Variants in GSG1L observed in about 807,000 individuals in gnomAD.
The protein encoded by GSG1L is germ cell-specific gene 1-like protein.
Under a neutral mutation model 42.1 loss-of-function variants are expected in GSG1L, and 24 were observed. The ratio of observed to expected loss-of-function variants is 0.57; its 90% CI spans 0.41 to 0.80. The LOEUF is 0.80. Ranked by LOEUF, GSG1L falls within the 30% of genes least tolerant of loss-of-function variation. The probability of loss-of-function intolerance (pLI) is 0.00; values close to 1 mark genes in which losing one functional copy is unlikely to be tolerated. For missense variants in GSG1L, 445 were observed against 472.2 expected (o/e 0.94, Z 0.53); for synonymous variants, 215 against 203.5 (o/e 1.06, Z -0.48).
chr16:28,046,000 AAAATAAAAATT>A (rs2086154334), intron 1 of GSG1L, among the ~76,000 whole-genome samples: 2 of 152,188 alleles, frequency 1.3e-5, no homozygotes, highest in South Asian at 2.1e-4. Flanking sequence ...TTTCTCCAGA[AAAATAAAAATT>A]AAATAAAAAT....
chr16:27,799,687 G>A (rs1191794398), intron 6 of GSG1L, among the ~76,000 whole-genome samples: 1 of 152,090 alleles, frequency 6.6e-6, no homozygotes, highest in African/African-American at 2.4e-5. Context: ...AAGGGGGCGG[G>A]CACCGAGCCA....
intron 2 of GSG1L, among the ~76,000 whole-genome samples, chr16:27,886,266 C>G (rs1234670754): frequency 6.6e-6 from 1 of 152,118 alleles, no homozygotes; most frequent in Admixed American, 6.5e-5. Flanking sequence ...ATGGTAAACA[C>G]CCATCTCTAC....
chr16:27,964,610 T>A (rs2085108900), intron 1 of GSG1L, among the ~76,000 whole-genome samples: 1 of 152,242 alleles, frequency 6.6e-6, no homozygotes, highest in Non-Finnish European at 1.5e-5. Flanking sequence ...TGAGATGCTG[T>A]CATTTGCAAC....
intron 2 of GSG1L, among the ~76,000 whole-genome samples, chr16:27,895,854 A>C (rs561658091): frequency 6.6e-6 from 1 of 152,244 alleles, no homozygotes; most frequent in Non-Finnish European, 1.5e-5. Flanking sequence ...AAGGTAGGGC[A>C]ACAGAGCACG....
Position 28,063,260 on chromosome 16 carries a change from C to T in GSG1L, c.165G>A (p.Ser55=). The T allele has an allele frequency of 7.6e-7, 1 of 1,316,684 alleles. No homozygotes were observed. The highest frequency in any genetic ancestry group is 9.7e-7 in the Non-Finnish European group (1 of 1,028,782). 81.6% of individuals were successfully genotyped at this position (1,316,684 alleles called of 1,614,324 possible). A position where few individuals can be genotyped will look rare whatever the true frequency, so the allele number is the denominator to read the frequency against. Residue 55 remains serine, a synonymous_variant, in exon 1 of 7, where the codon TCG becomes TCA. Transcript: ENST00000447459. This position sits in a 1 kb window ranked among gnomAD's most constrained non-coding sequence, Gnocchi z 5.8. ...GQGGRANCPN[S]GANATANGTA... is the part of the protein sequence containing the mutation. ...TGCCGTTGGCCGTGGCGTTGGCGCC[C>T]GAGTTGGGGCAGTTGGCGCGCCCGC...
intron 1 of GSG1L, among the ~76,000 whole-genome samples, chr16:28,000,843 TA>T (rs1212099037): frequency 2.6e-5 from 4 of 151,998 alleles, no homozygotes; most frequent in East Asian, 1.9e-4. Context: ...AAAATTGTAA[TA>T]AAAAATTTCC....
At chr16:27,931,075 C>A (rs2084652723) in intron 2 of GSG1L, among the ~76,000 whole-genome samples, 1 of 152,116 alleles carries the variant, frequency 6.6e-6, no homozygotes, top group South Asian at 2.1e-4. Context: ...AGCTGCAGAG[C>A]AACTTGAGAA....
chr16:28,017,428 T>C (rs1373862464), intron 1 of GSG1L, among the ~76,000 whole-genome samples: 1 of 152,232 alleles, frequency 6.6e-6, no homozygotes, highest in Non-Finnish European at 1.5e-5. Flanking sequence ...CTAATGAAAG[T>C]AATACGTCTT....
At chr16:28,047,255 A>G (rs1000105655) in intron 1 of GSG1L, among the ~76,000 whole-genome samples, 4 of 152,242 alleles carry the variant, frequency 2.6e-5, no homozygotes, top group African/African-American at 9.6e-5. Context: ...ACCAGGAAAT[A>G]TGCAATATAT....
At chr16:27,979,443 G>T (rs1185865590) in intron 1 of GSG1L, among the ~76,000 whole-genome samples, 12 of 150,914 alleles carry the variant, frequency 8.0e-5, no homozygotes, top group Non-Finnish European at 1.8e-4. Flanking sequence ...GCAAGTGCCT[G>T]TAGTCCCAGC....
chr16:27,960,410 G>T (rs187624571), intron 2 of GSG1L, among the ~76,000 whole-genome samples: 42 of 152,260 alleles, frequency 2.8e-4, no homozygotes, highest in African/African-American at 8.7e-4. Flanking sequence ...ATGAAAGCCA[G>T]TTAGTGCCAG....
intron 3 of GSG1L, among the ~76,000 whole-genome samples, chr16:27,867,482 G>T (rs74015112): frequency 0.017 from 2,534 of 152,308 alleles, 68 homozygotes; most frequent in African/African-American, 0.058. Context: ...ATCAGTGAGC[G>T]CTGCCCCATG....
At chr16:27,907,925 T>C (rs1257550699) in intron 2 of GSG1L, among the ~76,000 whole-genome samples, 1 of 152,210 alleles carries the variant, frequency 6.6e-6, no homozygotes, top group East Asian at 1.9e-4. Context: ...CCCTGTGACC[T>C]TGGCAATTGC....
chr16:28,043,325 G>T (rs1312374076), intron 1 of GSG1L, among the ~76,000 whole-genome samples: 1 of 152,214 alleles, frequency 6.6e-6, no homozygotes, highest in African/African-American at 2.4e-5. Context: ...GTCTAGCAGA[G>T]CTTTGATCAC....
At chr16:27,946,600 AGAGAGAGAGAGAGAGAGAGAGAGAGAGAG>A (rs2084866767) in intron 2 of GSG1L, among the ~76,000 whole-genome samples, 2 of 5,884 alleles carry the variant, frequency 3.4e-4, no homozygotes, top group African/African-American at 1.6e-3. Flanking sequence ...AGAGAGAGAG[AGAGAGAGAGAGAGAGAGAGAGAGAGAGAG>A]AGAAAGAAAG....
chr16:27,868,889 G>A (rs58420645), intron 3 of GSG1L, among the ~76,000 whole-genome samples: 1,776 of 152,234 alleles, frequency 0.012, 34 homozygotes, highest in African/African-American at 0.041. Flanking sequence ...GGCCACTCAA[G>A]GCATCTTGAG....
At chr16:27,904,927 A>C (rs192540437) in intron 2 of GSG1L, among the ~76,000 whole-genome samples, 1 of 152,352 alleles carries the variant, frequency 6.6e-6, no homozygotes, top group African/African-American at 2.4e-5. Context: ...CCACAGCCGC[A>C]GCCGACAGGT....
chr16:27,885,974 C>T lies in GSG1L; in HGVS notation c.398-1336G>A, dbSNP rs1207046101. ...CCCATATTATAATGATTCCTGCATGCTTTTTGCCGGGAGAGACTCTCTGTC... is the reference window on the plus strand; with the variant it reads ...CCCATATTATAATGATTCCTGCATGTTTTTTGCCGGGAGAGACTCTCTGTC... On this transcript the variant is annotated intron_variant, in intron 2 of 6. Transcript: ENST00000447459. Among the ~76,000 whole-genome samples, 3 of 152,314 alleles carry T rather than the reference C, an allele frequency of 2.0e-5. No homozygotes were observed. In the East Asian group the frequency reaches 5.8e-4, roughly 29 times the overall value.
intron 4 of GSG1L, 117 bp downstream of exon 4, chr16:27,844,833 T>TCC: frequency 3.3e-6 from 1 of 301,738 alleles, no homozygotes; most frequent in Non-Finnish European, 6.5e-6. Flanking sequence ...CCCCTCCAAC[T>TCC]CTCCCCATTT....
Sources: gnomAD v4.1 joint callset for allele counts (sites outside exome capture counted in the v4.1 genomes callset) on GRCh38, gnomAD v4.1.1 for gene constraint, Gnocchi (gnomAD v3.1) non-coding constraint, MANE v1.5 for transcripts, NCBI Gene and HGNC (gene_info 2026-07-23, HGNC 2026-07-21) for gene names.